TSC1: variants seen among roughly 807,000 people sequenced by gnomAD.
TSC1 encodes TSC complex subunit 1.
TSC1 carries 20 observed loss-of-function variants against 124.3 expected under a neutral mutation model. That is an observed-to-expected ratio of 0.16 (90% CI 0.11 to 0.23). TSC1 has a LOEUF of 0.23. Among genes scored for constraint, TSC1 ranks in the 10% least tolerant of loss-of-function variants. TSC1 has a pLI of 1.00. For synonymous variants in TSC1, 493 were observed against 539.1 expected, an observed-to-expected ratio of 0.91 and a Z score of 1.19; for missense variants, 1,124 against 1,448.5, an observed-to-expected ratio of 0.78 and a Z score of 3.64.
Position 132,895,274 on chromosome 9 carries a change from G to A in TSC1, c.*961C>T, listed in dbSNP as rs1044646480. The A allele has an allele frequency of 5.6e-5, 13 of 233,360 alleles. 1 individual carries two copies. The Admixed American group carries it at 6.2e-4, about 11-fold the overall frequency. The allele number at this position is 233,360 out of a possible 1,614,324, so 14.5% of individuals were successfully genotyped here. A position where few individuals can be genotyped will look rare whatever the true frequency, so the allele number is the denominator to read the frequency against. On this transcript the variant is annotated 3_prime_UTR_variant, in exon 23 of 23. Coordinates refer to ENST00000298552, the MANE Select transcript of TSC1 (RefSeq NM_000368.5). ...CTTTCTGCTGCAGTGTCACATATAA[G>A]CTGACATGAACAAGAGGCGTATGCA... is the stretch of plus-strand genomic sequence containing the variant.
chr9:132,914,874 G>A (rs10736858), intron 8 of TSC1, among the ~76,000 whole-genome samples: 151,892 of 152,012 alleles, frequency 1, 75,886 homozygotes, highest in East Asian at 1. Flanking sequence ...GAAAAAAAGA[G>A]AAAAGAAAAT....
chr9:132,917,111 T>G (rs1846304268), intron 8 of TSC1, among the ~76,000 whole-genome samples: 1 of 152,208 alleles, frequency 6.6e-6, no homozygotes, highest in Non-Finnish European at 1.5e-5. Flanking sequence ...GCATTCTGAT[T>G]TCTAATCCTT....
At chr9:132,908,402 A>G (rs1022827208) in intron 12 of TSC1, among the ~76,000 whole-genome samples, 1 of 152,172 alleles carries the variant, frequency 6.6e-6, no homozygotes, top group Non-Finnish European at 1.5e-5. Flanking sequence ...TGAAGTGTAT[A>G]AAGAAAATCT....
chr9:132,911,412 G>T, intron 10 of TSC1, 41 bp downstream of exon 10: 1 of 1,472,882 alleles, frequency 6.8e-7, no homozygotes, highest in Non-Finnish European at 9.5e-7. Context: ...AGCTTCACCA[G>T]AAAGCAGAGG....
rs1845032228 is a variant in TSC1 at position 132,896,320 on chromosome 9, C to T, written c.3410G>A (p.Gly1137Asp). ...VEAKIPLNLDGPHPSPPTPDS... is the reference protein window; with the variant it reads ...VEAKIPLNLDDPHPSPPTPDS... ...CGGGGTCGGGGGAGACGGGTGAGGG[C>T]CATCTAGGTTCAGGGGAATCTTGGC... is the stretch of plus-strand genomic sequence containing the variant. The change falls in exon 23 of 23, where the codon GGC becomes GAC. Residue 1137 changes from glycine (G) to aspartate (D), a missense_variant. By Grantham distance (94) the Gly-to-Asp change is moderately conservative. This residue lies in a region of TSC1 where 325 missense variants were observed against 383.4 expected (regional missense o/e 0.85). Transcript: ENST00000298552. This position sits in a 1 kb window ranked among gnomAD's most constrained non-coding sequence, Gnocchi z 4.5. The T allele has an allele frequency of 6.2e-7, 1 of 1,614,174 alleles. No homozygotes were observed. Among genetic ancestry groups the T allele is most frequent in the Non-Finnish European group, 8.5e-7 (1 of 1,180,024 alleles).
intron 1 of TSC1, chr9:132,941,289 T>C (rs1299550981): frequency 3.9e-5 from 6 of 152,248 alleles, no homozygotes; most frequent in Non-Finnish European, 8.8e-5. Flanking sequence ...CAGTGTATTT[T>C]ATACACAGTA....
intron 8 of TSC1, among the ~76,000 whole-genome samples, chr9:132,915,109 C>G (rs750580504): frequency 1.8e-4 from 27 of 151,638 alleles, no homozygotes; most frequent in South Asian, 8.3e-4. Context: ...TAGCTTGACC[C>G]TGGGAGGTTG....
rs1847977667 is a variant in TSC1 at position 132,944,563 on chromosome 9, G to C, written c.-164C>G. The C allele has an allele frequency of 2.5e-6, 1 of 398,716 alleles. No homozygotes were observed. Among genetic ancestry groups the C allele is most frequent in the Admixed American group, 4.4e-5 (1 of 22,708 alleles). 24.7% of individuals were successfully genotyped at this position (398,716 alleles called of 1,614,324 possible). On this transcript the variant is annotated 5_prime_UTR_variant, in exon 1 of 23. Transcript: ENST00000298552. Reference sequence around the variant, plus strand: ...CTCACCCACCGTCTCCTCCCCCTCAGCTGTTTACCTCACAGTCCCTCCAGC... The same window carrying C: ...CTCACCCACCGTCTCCTCCCCCTCACCTGTTTACCTCACAGTCCCTCCAGC...
rs375844596 is a variant in TSC1, at chr9:132,901,549, G to A, written c.2502+40C>T. On this transcript the variant is annotated intron_variant, in intron 19 of 22. Coordinates refer to ENST00000298552, the MANE Select transcript of TSC1 (RefSeq NM_000368.5). Reference sequence around the variant, plus strand: ...GTCTGAAGGAAGAATGTTAGCAAATGGTGTTTCAGCAGATTCAGGTCTGCC... The same window carrying A: ...GTCTGAAGGAAGAATGTTAGCAAATAGTGTTTCAGCAGATTCAGGTCTGCC... 40 of 1,518,998 alleles carry A rather than the reference G, an allele frequency of 2.6e-5. 1 individual carries two copies. The Middle Eastern group carries it at 6.8e-4, about 26-fold the overall frequency. 94.1% of individuals were successfully genotyped at this position (1,518,998 alleles called of 1,614,324 possible).
In TSC1 at chr9:132,896,561, C is replaced by G. The variant is rs587778727; in HGVS notation, c.3169G>C (p.Gly1057Arg). 1 of 1,614,204 alleles carries G rather than the reference C, an allele frequency of 6.2e-7. No individual in the cohort carries two copies. The highest frequency in any genetic ancestry group is 8.5e-7 in the Non-Finnish European group (1 of 1,180,028). ...TPEKPPHQRA[G>R]PFSSRWETTM... ...GTCTCCCACCGACTGCTGAATGGGC[C>G]TGCCCTCTGGTGTGGGGGTTTCTCT... Residue 1057 changes from glycine to arginine, a missense_variant, in exon 23 of 23, where the codon GGC (glycine) becomes CGC (arginine). Transcript: ENST00000298552. The surrounding 1 kb of genome is among the most constrained non-coding windows in gnomAD (Gnocchi z 4.5).
intron 3 of TSC1, among the ~76,000 whole-genome samples, chr9:132,927,553 T>C: frequency 7.6e-6 from 1 of 132,172 alleles, no homozygotes; most frequent in African/African-American, 2.9e-5. Flanking sequence ...AGATGGAGTC[T>C]CACTCTGTTG....
At chr9:132,937,099 G>A (rs1046442557) in intron 1 of TSC1, among the ~76,000 whole-genome samples, 11 of 152,216 alleles carry the variant, frequency 7.2e-5, no homozygotes, top group African/African-American at 2.7e-4. Flanking sequence ...ATTCTGACAG[G>A]GAGTGCTTGC....
In TSC1 at chr9:132,927,306, T is replaced by TAAATC. The variant is rs1588359972; in HGVS notation, c.107-7_107-3dup. The stretch of plus-strand genomic sequence containing the variant: ...TGTTTACAAGCATAGGGCCACGGTC[T>TAAATC]AAATCAAGAAAAGGGCAATGGATGA... On this transcript the variant is annotated splice_region_variant and splice_polypyrimidine_tract_variant and intron_variant, in intron 3 of 22. Transcript: ENST00000298552. 1 of 1,613,430 alleles carries TAAATC rather than the reference T, an allele frequency of 6.2e-7. No individual in the cohort carries two copies.
Position 132,904,436 on chromosome 9 carries a change from C to A in TSC1, c.2016G>T (p.Lys672Asn). ...KELNKLPLPS[K>N]SVDWTHFGGS... ...CTCCAAAGTGGGTCCAGTCGACAGA[C>A]TTGCTGGGTAAAGGCAACCTAGGAA... The change falls in exon 16 of 23, where the codon AAG becomes AAT. Residue 672 changes from lysine to asparagine, a missense_variant. Lys to Asn is a moderately conservative substitution (Grantham distance 94, BLOSUM62 0). Coordinates refer to ENST00000298552, the MANE Select transcript of TSC1 (RefSeq NM_000368.5). The A allele has an allele frequency of 6.2e-7, 1 of 1,614,080 alleles. No homozygotes were observed.
intron 20 of TSC1, chr9:132,898,882 G>A (rs572110625): frequency 6.6e-6 from 1 of 152,414 alleles, no homozygotes; most frequent in African/African-American, 2.4e-5. Flanking sequence ...CTGGCCAACA[G>A]GGGTGATGAG....
Position 132,906,780 on chromosome 9 carries a change from T to G in TSC1, c.1389A>C (p.Leu463Phe). ...SVTLSDLPGFLGDLASEEDSI... is the reference protein window; with the variant it reads ...SVTLSDLPGFFGDLASEEDSI... ...TATCTTCTTCAGAGGCCAGATCACC[T>G]AAAAACCCTGGAAGATCACTTAGAG... Residue 463 changes from leucine to phenylalanine, a missense_variant, in exon 14 of 23, where the codon TTA (leucine) becomes TTC (phenylalanine). Physicochemically the swap from Leu to Phe is conservative, Grantham distance 22. This residue lies in a region of TSC1 where 463 missense variants were observed against 606.8 expected (regional missense o/e 0.76). Coordinates refer to ENST00000298552, the MANE Select transcript of TSC1 (RefSeq NM_000368.5). This position sits in a 1 kb window ranked among gnomAD's most constrained non-coding sequence, Gnocchi z 4.1. The G allele has an allele frequency of 6.2e-7, 1 of 1,614,136 alleles. No individual in the cohort carries two copies. The highest frequency in any genetic ancestry group is 8.5e-7 in the Non-Finnish European group (1 of 1,180,040).
chr9:132,929,030 C>T (rs1339435425), intron 2 of TSC1, 78 bp from the exon 3 acceptor site: 2 of 1,288,056 alleles, frequency 1.6e-6, no homozygotes, highest in Non-Finnish European at 2.1e-6. Flanking sequence ...GCAAGACAAA[C>T]TAATGCACGT....
intron 2 of TSC1, 67 bp from the exon 3 acceptor site, chr9:132,929,019 T>C (rs1847053732): frequency 7.1e-7 from 1 of 1,411,394 alleles, no homozygotes; most frequent in African/African-American, 1.4e-5. Flanking sequence ...AGAAAATACC[T>C]GCAAGACAAA....
rs1845610761 is a variant in TSC1 at position 132,905,653 on chromosome 9, G to A, written c.1925C>T (p.Ser642Phe). The A allele has an allele frequency of 2.5e-6, 4 of 1,614,226 alleles. No homozygotes were observed. The highest frequency in any genetic ancestry group is 2.5e-6 in the Non-Finnish European group (3 of 1,180,036). ...GTCCAGCACTTCCATTGGGGAGGTAGAGGGCACACCATCTTCCTCTGTGTT... is the reference window on the plus strand; with the variant it reads ...GTCCAGCACTTCCATTGGGGAGGTAAAGGGCACACCATCTTCCTCTGTGTT... ...KGNTEEDGVP[S>F]TSPMEVLDRL... is the part of the protein sequence containing the mutation. Residue 642 changes from serine to phenylalanine, a missense_variant, in exon 15 of 23, where the codon TCT (serine) becomes TTT (phenylalanine). Physicochemically the swap from Ser to Phe is radical, Grantham distance 155 (BLOSUM62 -2). Coordinates refer to ENST00000298552, the MANE Select transcript of TSC1 (RefSeq NM_000368.5).
Sources: allele counts gnomAD v4.1 joint callset (sites outside exome capture counted in the v4.1 genomes callset), GRCh38; gene constraint gnomAD v4.1.1; regional missense constraint gnomAD v4.1.1; non-coding constraint Gnocchi (gnomAD v3.1); transcripts MANE v1.5; gene names NCBI Gene and HGNC (gene_info 2026-07-23, HGNC 2026-07-21).